The following SMYD3 variants were observed in gnomAD, a reference collection of about 807,000 sequenced individuals.
SMYD3 encodes the protein histone-lysine N-methyltransferase SMYD3.
Under a neutral mutation model 57.7 loss-of-function variants are expected in SMYD3, and 36 were observed. The ratio of observed to expected loss-of-function variants is 0.62; its 90% confidence interval spans 0.48 to 0.82. The LOEUF is 0.82. SMYD3 is among the 40% of genes least tolerant of loss of function. SMYD3 has a pLI of 0.00. For synonymous variants in SMYD3, 211 were observed against 195.0 expected (o/e 1.08, Z -0.68); for missense variants, 515 against 538.8 (o/e 0.96, Z 0.44).
At chr1:246,205,747 G>A (rs1263530277) in intron 5 of SMYD3, among the ~76,000 whole-genome samples, 4 of 144,408 alleles carry the variant, frequency 2.8e-5, no homozygotes. Flanking sequence ...TTGAACCCAG[G>A]AGGCGAGGTT....
intron 5 of SMYD3, among the ~76,000 whole-genome samples, chr1:245,933,446 T>A (rs763939274): frequency 6.6e-6 from 1 of 152,240 alleles, no homozygotes; most frequent in Non-Finnish European, 1.5e-5. Flanking sequence ...TTACTTTCTG[T>A]AATTTTTCCT....
intron 1 of SMYD3, among the ~76,000 whole-genome samples, chr1:246,395,940 C>T (rs533183758): frequency 1.6e-3 from 243 of 152,318 alleles, no homozygotes; most frequent in Non-Finnish European, 3.2e-3. Context: ...GTCAAGACAC[C>T]TATGATAGAC....
chr1:245,978,410 C>CA (rs1368285744), intron 5 of SMYD3, among the ~76,000 whole-genome samples: 1 of 152,094 alleles, frequency 6.6e-6, no homozygotes, highest in Non-Finnish European at 1.5e-5. Flanking sequence ...AGAGTTCCCA[C>CA]AAAAAATAAG....
intron 5 of SMYD3, among the ~76,000 whole-genome samples, chr1:246,211,345 C>T (rs904957991): frequency 2.0e-5 from 3 of 152,124 alleles, no homozygotes; most frequent in Non-Finnish European, 4.4e-5. Context: ...TGCAGATCCA[C>T]AAGGTACTGC....
At chr1:246,317,645 T>C (rs1043463206) in intron 5 of SMYD3, among the ~76,000 whole-genome samples, 1 of 152,248 alleles carries the variant, frequency 6.6e-6, no homozygotes, top group African/African-American at 2.4e-5. Flanking sequence ...GTTGCCACGA[T>C]AAGCATGTGA....
intron 5 of SMYD3, among the ~76,000 whole-genome samples, chr1:246,239,366 C>T (rs74554085): frequency 0.21 from 31,452 of 151,858 alleles, 3,943 homozygotes; most frequent in East Asian, 0.58. Flanking sequence ...TCTGTCCTTG[C>T]GGTAGTTTGC....
chr1:245,808,410 C>A (rs1934584), intron 10 of SMYD3, among the ~76,000 whole-genome samples: 1 of 152,142 alleles, frequency 6.6e-6, no homozygotes, highest in Non-Finnish European at 1.5e-5. Context: ...GAGGGTAACA[C>A]AATCACACAA....
intron 5 of SMYD3, among the ~76,000 whole-genome samples, chr1:246,285,033 C>T (rs528502065): frequency 1.5e-4 from 22 of 150,880 alleles, no homozygotes; most frequent in African/African-American, 4.9e-4. Context: ...AGTTCTTTAG[C>T]GGTGATTTGC....
chr1:245,775,169 A>G (rs3000194), intron 10 of SMYD3, among the ~76,000 whole-genome samples: 63,863 of 151,936 alleles, frequency 0.42, 17,671 homozygotes, highest in East Asian at 0.88. Context: ...GCCCCCTCCA[A>G]GAGGTGGGGG....
intron 1 of SMYD3, among the ~76,000 whole-genome samples, chr1:246,413,842 ACTT>A (rs1378379532): frequency 6.6e-6 from 1 of 152,206 alleles, no homozygotes; most frequent in East Asian, 1.9e-4. Context: ...AGCCTCAGGT[ACTT>A]CTTTATAGCA....
At chr1:245,794,525 C>G (rs1208940168) in intron 10 of SMYD3, among the ~76,000 whole-genome samples, 2 of 152,152 alleles carry the variant, frequency 1.3e-5, no homozygotes, top group African/African-American at 2.4e-5. Context: ...TGTATTGATA[C>G]CACTCAGTAC....
intron 5 of SMYD3, among the ~76,000 whole-genome samples, chr1:246,032,757 G>A (rs993065718): frequency 6.6e-6 from 1 of 152,120 alleles, no homozygotes; most frequent in Non-Finnish European, 1.5e-5. Flanking sequence ...AAACAGAACC[G>A]TTAGTTTCCA....
intron 1 of SMYD3, among the ~76,000 whole-genome samples, chr1:246,361,474 T>C (rs1212386460): frequency 6.6e-6 from 1 of 152,190 alleles, no homozygotes; most frequent in Non-Finnish European, 1.5e-5. Context: ...GAAGTCATTA[T>C]ACAAAAAAGA....
chr1:246,185,134 T>C (rs1449524901), intron 5 of SMYD3, among the ~76,000 whole-genome samples: 1 of 152,228 alleles, frequency 6.6e-6, no homozygotes, highest in Non-Finnish European at 1.5e-5. Context: ...ATGCCAAGAA[T>C]TTTTAAAGGC....
intron 5 of SMYD3, among the ~76,000 whole-genome samples, chr1:246,150,680 C>G (rs1472620471): frequency 1.3e-5 from 2 of 152,124 alleles, no homozygotes; most frequent in Non-Finnish European, 2.9e-5. Flanking sequence ...GTCTATTTGT[C>G]TAAGAAGGGA....
intron 1 of SMYD3, among the ~76,000 whole-genome samples, chr1:246,406,722 C>G (rs887024524): frequency 6.6e-6 from 1 of 152,190 alleles, no homozygotes; most frequent in African/African-American, 2.4e-5. Context: ...GGTTAGGTAA[C>G]TAGTGCAGGA....
At chr1:245,765,974 G>A (rs746676182) in intron 10 of SMYD3, among the ~76,000 whole-genome samples, 2 of 152,050 alleles carry the variant, frequency 1.3e-5, no homozygotes, top group African/African-American at 2.4e-5. Context: ...ATTCCCTCTC[G>A]CTGAATCTTA....
chr1:245,858,069 C>G (rs2051343447), intron 10 of SMYD3, among the ~76,000 whole-genome samples: 1 of 152,190 alleles, frequency 6.6e-6, no homozygotes, highest in African/African-American at 2.4e-5. Flanking sequence ...ACCATTCTTA[C>G]TGTCAGCCAG....
intron 5 of SMYD3, among the ~76,000 whole-genome samples, chr1:245,979,387 G>T (rs1385407165): frequency 2.0e-5 from 3 of 152,164 alleles, no homozygotes; most frequent in Non-Finnish European, 4.4e-5. Flanking sequence ...TGGAAATAAA[G>T]TCACTGTAGA....
Sources: gnomAD v4.1 joint callset for allele counts (sites outside exome capture counted in the v4.1 genomes callset) on GRCh38, gnomAD v4.1.1 for gene constraint, MANE v1.5 for transcripts, NCBI Gene and HGNC (gene_info 2026-07-23, HGNC 2026-07-21) for gene names.